The following CHSY3 variants were observed in gnomAD, a reference collection of about 807,000 sequenced individuals.
CHSY3 encodes chondroitin sulfate synthase 3.
Under a neutral mutation model 67.2 loss-of-function variants are expected in CHSY3, and 35 were observed. That is an observed-to-expected ratio of 0.52 (90% CI 0.40 to 0.69). The LOEUF is 0.69. Ranked by LOEUF, CHSY3 falls within the 30% of genes least tolerant of loss-of-function variation. The pLI, the probability that CHSY3 is intolerant of heterozygous loss-of-function variation, is 0.00. For missense variants in CHSY3, 1,069 were observed against 1,138.5 expected (o/e 0.94, Z 0.88); for synonymous variants, 474 against 434.7 (o/e 1.09, Z -1.12).
At chr5:130,084,610 T>A (rs74558063) in intron 2 of CHSY3, among the ~76,000 whole-genome samples, 5 of 125,074 alleles carry the variant, frequency 4.0e-5, no homozygotes, top group African/African-American at 9.8e-5. Context: ...TTAATTTATT[T>A]ATTTAATAAG....
chr5:129,950,727 G>C (rs1762000277), intron 2 of CHSY3, among the ~76,000 whole-genome samples: 1 of 152,086 alleles, frequency 6.6e-6, no homozygotes, highest in Non-Finnish European at 1.5e-5. Context: ...GCTGTACACT[G>C]AAAACTGTAA....
At chr5:130,122,857 T>C in intron 2 of CHSY3, among the ~76,000 whole-genome samples, 1 of 152,218 alleles carries the variant, frequency 6.6e-6, no homozygotes. Context: ...ATGTATAACA[T>C]GAGAAAATGA....
At chr5:130,000,877 C>A (rs1300284605) in intron 2 of CHSY3, among the ~76,000 whole-genome samples, 1 of 147,306 alleles carries the variant, frequency 6.8e-6, no homozygotes, top group Non-Finnish European at 1.5e-5. Context: ...CACCAGCCAG[C>A]CTGTCTTCTT....
chr5:130,144,797 C>G (rs1769021973), intron 2 of CHSY3, among the ~76,000 whole-genome samples: 1 of 152,158 alleles, frequency 6.6e-6, no homozygotes, highest in Non-Finnish European at 1.5e-5. Context: ...AGGCCCTTCT[C>G]TCAATTGCTA....
chr5:129,958,301 G>C (rs961693551), intron 2 of CHSY3, among the ~76,000 whole-genome samples: 2 of 152,124 alleles, frequency 1.3e-5, no homozygotes, highest in African/African-American at 4.8e-5. Flanking sequence ...TAATTATGCA[G>C]TGTGGATTTC....
chr5:130,029,786 G>A (rs1764654780), intron 2 of CHSY3, among the ~76,000 whole-genome samples: 1 of 151,852 alleles, frequency 6.6e-6, no homozygotes, highest in Admixed American at 6.6e-5. Flanking sequence ...AATCAGCATT[G>A]GTTGCCCACT....
intron 2 of CHSY3, among the ~76,000 whole-genome samples, chr5:130,048,919 G>A (rs895928557): frequency 3.9e-5 from 6 of 151,922 alleles, no homozygotes; most frequent in Non-Finnish European, 5.9e-5. Context: ...ACAACATAGC[G>A]ACTGTAGTTA....
At chr5:130,025,512 T>C (rs1764515800) in intron 2 of CHSY3, among the ~76,000 whole-genome samples, 1 of 152,004 alleles carries the variant, frequency 6.6e-6, no homozygotes, top group Admixed American at 6.6e-5. Flanking sequence ...AGAGAAACAG[T>C]GATATTGTCT....
intron 2 of CHSY3, among the ~76,000 whole-genome samples, chr5:130,100,960 T>A (rs772180168): frequency 6.6e-6 from 1 of 152,196 alleles, no homozygotes; most frequent in Non-Finnish European, 1.5e-5. Flanking sequence ...GTTTCACTGA[T>A]CAAGTATAAT....
intron 1 of CHSY3, 146 bp from the exon 2 acceptor site, chr5:129,907,931 G>A: frequency 2.9e-6 from 4 of 1,360,956 alleles, no homozygotes; most frequent in Non-Finnish European, 3.8e-6. Context: ...AAAAATAATA[G>A]AGTATTGGAA....
chr5:130,179,181 A>G (rs1770171529), intron 2 of CHSY3, among the ~76,000 whole-genome samples: 1 of 152,226 alleles, frequency 6.6e-6, no homozygotes, highest in Admixed American at 6.5e-5. Flanking sequence ...TGAACTTTTT[A>G]TCTACCTTCC....
At chr5:130,132,830 TCA>T (rs900254754) in intron 2 of CHSY3, among the ~76,000 whole-genome samples, 6 of 152,052 alleles carry the variant, frequency 3.9e-5, no homozygotes, top group African/African-American at 1.4e-4. Context: ...ATGTTTCTCT[TCA>T]CACACACACA....
At chr5:130,074,718 T>A (rs1244592201) in intron 2 of CHSY3, among the ~76,000 whole-genome samples, 1 of 152,180 alleles carries the variant, frequency 6.6e-6, no homozygotes, top group Non-Finnish European at 1.5e-5. Flanking sequence ...GACTGTTCAT[T>A]CCTTCAGTTT....
chr5:130,050,024 G>A (rs1765285518), intron 2 of CHSY3, among the ~76,000 whole-genome samples: 1 of 152,014 alleles, frequency 6.6e-6, no homozygotes, highest in African/African-American at 2.4e-5. Flanking sequence ...ACACCATGGA[G>A]AAACTTGTAG....
intron 2 of CHSY3, among the ~76,000 whole-genome samples, chr5:129,937,851 G>C (rs967582891): frequency 6.6e-6 from 1 of 152,050 alleles, no homozygotes; most frequent in African/African-American, 2.4e-5. Flanking sequence ...GCAAGGGTTG[G>C]GCTCCCAAGG....
chr5:129,997,927 G>T (rs1357569995), intron 2 of CHSY3, among the ~76,000 whole-genome samples: 2 of 152,136 alleles, frequency 1.3e-5, no homozygotes, highest in Non-Finnish European at 2.9e-5. Flanking sequence ...CATTTGGGTT[G>T]GTTCCAAGTC....
chr5:130,063,021 T>C (rs995500918), intron 2 of CHSY3, among the ~76,000 whole-genome samples: 3 of 152,158 alleles, frequency 2.0e-5, no homozygotes, highest in Non-Finnish European at 4.4e-5. Context: ...TTCTTTTCTT[T>C]CTTGCATTTT....
chr5:130,016,352 C>T (rs1440367716), intron 2 of CHSY3, among the ~76,000 whole-genome samples: 2 of 152,142 alleles, frequency 1.3e-5, no homozygotes, highest in Non-Finnish European at 2.9e-5. Flanking sequence ...TATAACAGGG[C>T]TGATGATTTT....
chr5:130,039,241 C>A (rs573528626), intron 2 of CHSY3, among the ~76,000 whole-genome samples: 38 of 152,140 alleles, frequency 2.5e-4, no homozygotes, highest in African/African-American at 9.2e-4. Flanking sequence ...CATCCCAGAG[C>A]TTTGGGAGAC....
Sources: gnomAD v4.1 joint callset for allele counts (sites outside exome capture counted in the v4.1 genomes callset) on GRCh38, gnomAD v4.1.1 for gene constraint, MANE v1.5 for transcripts, NCBI Gene and HGNC (gene_info 2026-07-23, HGNC 2026-07-21) for gene names.